Variants in PBX1 observed in about 807,000 individuals in gnomAD.
PBX1 encodes the protein pre-B-cell leukemia transcription factor 1.
PBX1 carries 6 observed loss-of-function variants against 53.4 expected under a neutral mutation model. The observed-to-expected ratio is 0.11, with a 90% CI of 0.06 to 0.22. PBX1 has a LOEUF of 0.22. Ranked by LOEUF, PBX1 falls within the 10% of genes least tolerant of loss-of-function variation. The probability of loss-of-function intolerance (pLI) is 1.00; values close to 1 mark genes in which losing one functional copy is unlikely to be tolerated. For synonymous variants in PBX1, 204 were observed against 212.3 expected (o/e 0.96, Z 0.34); for missense variants, 251 against 551.4 (o/e 0.46, Z 5.46).
In PBX1 at chr1:164,728,713, G is replaced by A. The variant is rs375279460; in HGVS notation, c.266-63781G>A. Among the ~76,000 whole-genome samples, 88 of 152,288 alleles carry A rather than the reference G, an allele frequency of 5.8e-4. No homozygotes were observed. In the South Asian group the frequency reaches 6.8e-3, roughly 12 times the overall value. ...CAAAGAATTATTTTCCCAAAAATGC[G>A]TATATAAAAATTTTTTTATTCAGGG... On this transcript the variant is annotated intron_variant, in intron 2 of 8. Transcript: ENST00000420696.
At chr1:164,861,368 T>G (rs1204050411) in intron 2 of PBX1, among the ~76,000 whole-genome samples, 1 of 152,198 alleles carries the variant, frequency 6.6e-6, no homozygotes, top group Admixed American at 6.5e-5. Flanking sequence ...TAAAGAATCC[T>G]AATTGTTCTT....
At position 164,841,157 on chromosome 1, in the gene PBX1, C is replaced by G. The variant is rs1671271389; in HGVS notation, c.1201-5427C>G. 2.0e-5 allele frequency among the ~76,000 whole-genome samples: 3 copies of G among 152,258 alleles called. No homozygotes were observed. The South Asian group carries it at 6.2e-4, about 32-fold the overall frequency. ...GAGGCACATACATAGAACTGGGGGC[C>G]TGCAGGAGGAAGAAACAAAAAGCAT... On this transcript the variant is annotated intron_variant, in intron 8 of 8. Transcript: ENST00000420696.
At chr1:164,691,495 T>G (rs182341547) in intron 2 of PBX1, among the ~76,000 whole-genome samples, 4 of 152,306 alleles carry the variant, frequency 2.6e-5, no homozygotes, top group Admixed American at 1.3e-4. Flanking sequence ...GCTTCCTTCC[T>G]CCAGCTCTAT....
At chr1:164,573,258 G>A (rs923478112) in intron 2 of PBX1, among the ~76,000 whole-genome samples, 1 of 151,422 alleles carries the variant, frequency 6.6e-6, no homozygotes, top group Non-Finnish European at 1.5e-5. Context: ...GCCTTGAAAT[G>A]GTAATGTTAA....
At chr1:164,827,245 G>T (rs1363148969) in intron 8 of PBX1, among the ~76,000 whole-genome samples, 1 of 152,166 alleles carries the variant, frequency 6.6e-6, no homozygotes, top group Non-Finnish European at 1.5e-5. Flanking sequence ...GGAACTGAGG[G>T]TAATAATTAA....
At chr1:164,749,096 A>G (rs1003993721) in intron 2 of PBX1, among the ~76,000 whole-genome samples, 1 of 152,244 alleles carries the variant, frequency 6.6e-6, no homozygotes, top group Admixed American at 6.5e-5. Context: ...CATGAACAGG[A>G]CAATATTAAA....
At chr1:164,747,690 T>G (rs1225835252) in intron 2 of PBX1, among the ~76,000 whole-genome samples, 1 of 152,126 alleles carries the variant, frequency 6.6e-6, no homozygotes, top group Non-Finnish European at 1.5e-5. Context: ...AACTGTAAAA[T>G]AATTAATAAT....
intron 2 of PBX1, among the ~76,000 whole-genome samples, chr1:164,616,243 C>G (rs907834538): frequency 1.3e-5 from 2 of 152,076 alleles, no homozygotes. Context: ...AGCGTCTAGG[C>G]CAGGAGGCAC....
At chr1:164,721,424 G>T (rs1424654189) in intron 2 of PBX1, among the ~76,000 whole-genome samples, 2 of 150,604 alleles carry the variant, frequency 1.3e-5, no homozygotes, top group Admixed American at 6.6e-5. Flanking sequence ...TTGGGTGGCA[G>T]TGTAGTGTGT....
chr1:164,632,910 C>G (rs1224817006), intron 2 of PBX1, among the ~76,000 whole-genome samples: 2 of 152,058 alleles, frequency 1.3e-5, no homozygotes, highest in African/African-American at 4.8e-5. Context: ...TGCCTAGATC[C>G]TAGGGTTCAT....
In PBX1 at chr1:164,573,691, G is replaced by A. The variant is rs529185727; in HGVS notation, c.265+10380G>A. On this transcript the variant is annotated intron_variant, in intron 2 of 8. Coordinates refer to ENST00000420696, the MANE Select transcript of PBX1 (RefSeq NM_002585.4). ...AGTAGAGATGGGGTTTCACCATGTCGGCCAGGCTGATCTTGAACTCCTGAC... is the reference window on the plus strand; with the variant it reads ...AGTAGAGATGGGGTTTCACCATGTCAGCCAGGCTGATCTTGAACTCCTGAC... 8.2e-4 allele frequency among the ~76,000 whole-genome samples: 125 copies of A among 151,948 alleles called. 1 individual carries two copies. The highest frequency in any genetic ancestry group is 2.4e-3 in the African/African-American group (101 of 41,446).
intron 2 of PBX1, among the ~76,000 whole-genome samples, chr1:164,753,261 T>G (rs1666326915): frequency 6.6e-6 from 1 of 152,244 alleles, no homozygotes; most frequent in African/African-American, 2.4e-5. Context: ...CATGTAGTTC[T>G]GAGATGTTTT....
At chr1:164,562,993 A>G (rs1653173079) in intron 1 of PBX1, 1 of 274,562 alleles carries the variant, frequency 3.6e-6, no homozygotes, top group African/African-American at 2.2e-5. Flanking sequence ...CTTTCCCTAA[A>G]TGGGCATAAT....
At chr1:164,681,980 C>T (rs1368142770) in intron 2 of PBX1, 11 of 152,104 alleles carry the variant, frequency 7.2e-5, no homozygotes, top group Admixed American at 5.9e-4. Flanking sequence ...TCAGAGGGAA[C>T]GTTTAAGAAT....
At chr1:164,818,362 T>C (rs1197216769) in intron 6 of PBX1, 1 of 152,158 alleles carries the variant, frequency 6.6e-6, no homozygotes, top group African/African-American at 2.4e-5. Flanking sequence ...TTACACTTGT[T>C]TTGCTAAGGC....
chr1:164,576,161 A>G (rs1363396253), intron 2 of PBX1, among the ~76,000 whole-genome samples: 1 of 152,204 alleles, frequency 6.6e-6, no homozygotes, highest in East Asian at 1.9e-4. Flanking sequence ...CCCGGTGGCG[A>G]GCCACATGGC....
At chr1:164,784,112 A>ACCCTT (rs1668058544) in intron 2 of PBX1, among the ~76,000 whole-genome samples, 1 of 152,044 alleles carries the variant, frequency 6.6e-6, no homozygotes, top group African/African-American at 2.4e-5. Context: ...GGTCTCACAC[A>ACCCTT]CCCTTCCCTG....
At chr1:164,828,073 C>G (rs919645882) in intron 8 of PBX1, among the ~76,000 whole-genome samples, 8 of 152,236 alleles carry the variant, frequency 5.3e-5, no homozygotes, top group South Asian at 4.2e-4. Flanking sequence ...GAATTTAGGA[C>G]CAACCAGCAA....
intron 2 of PBX1, among the ~76,000 whole-genome samples, chr1:164,859,361 T>C (rs901677399): frequency 7.2e-5 from 11 of 152,162 alleles, no homozygotes; most frequent in African/African-American, 1.4e-4. Context: ...CCCTCTGCAT[T>C]TGGTTTCAGA....
Sources: gnomAD v4.1 joint callset for allele counts (sites outside exome capture counted in the v4.1 genomes callset) on GRCh38, gnomAD v4.1.1 for gene constraint, MANE v1.5 for transcripts, NCBI Gene and HGNC (gene_info 2026-07-23, HGNC 2026-07-21) for gene names.